Variants in WDPCP observed in about 807,000 individuals in gnomAD.
The protein encoded by WDPCP is WD repeat containing planar cell polarity effector, also known as WD repeat-containing and planar cell polarity effector protein fritz homolog.
WDPCP carries 71 observed loss-of-function variants against 93.1 expected under a neutral mutation model. The observed-to-expected ratio is 0.76, with a 90% CI of 0.63 to 0.93. The LOEUF (loss-of-function observed/expected upper bound fraction) is 0.93, where lower values mean the gene tolerates loss of function less well. Among genes scored for constraint, WDPCP ranks in the 40% least tolerant of loss-of-function variants. WDPCP has a pLI of 0.00. For missense variants in WDPCP, 844 were observed against 887.4 expected, an observed-to-expected ratio of 0.95 and a Z score of 0.62; for synonymous variants, 315 against 315.0, an observed-to-expected ratio of 1.00 and a Z score of 0.00.
chr2:63,532,888 T>A (rs1192537883), intron 1 of WDPCP, among the ~76,000 whole-genome samples: 1 of 152,164 alleles, frequency 6.6e-6, no homozygotes, highest in Non-Finnish European at 1.5e-5. Flanking sequence ...ATGGGCTAAA[T>A]GCTCTAATTA....
At chr2:63,467,274 G>GT (rs1699399324) in intron 6 of WDPCP, among the ~76,000 whole-genome samples, 1 of 151,678 alleles carries the variant, frequency 6.6e-6, no homozygotes, top group Admixed American at 6.6e-5. Flanking sequence ...GAGGTCAGGA[G>GT]TTTGAGAGCA....
At chr2:63,172,578 G>A (rs1252248096) in intron 15 of WDPCP, among the ~76,000 whole-genome samples, 1 of 151,804 alleles carries the variant, frequency 6.6e-6, no homozygotes. Flanking sequence ...AGTAGCCTAT[G>A]TTCTAGCTCC....
intron 13 of WDPCP, among the ~76,000 whole-genome samples, chr2:63,312,741 G>C (rs1686273225): frequency 6.6e-6 from 1 of 152,126 alleles, no homozygotes. Context: ...GGGAGGGCCA[G>C]AGTGTACATG....
intron 15 of WDPCP, among the ~76,000 whole-genome samples, chr2:63,160,875 T>C (rs913509805): frequency 1.3e-5 from 2 of 152,182 alleles, no homozygotes; most frequent in African/African-American, 4.8e-5. Flanking sequence ...TATCTCATGT[T>C]GTGATGTAAT....
rs1442898909 is a variant in WDPCP, at chr2:63,187,775, A to G, written c.1916-12943T>C. On this transcript the variant is annotated intron_variant, in intron 14 of 17. Coordinates refer to ENST00000272321, the MANE Select transcript of WDPCP (RefSeq NM_015910.7). ...CACTAGAATTACAATATAGGATTCT[A>G]TATTTATTTAAATGTTTATCATTAG... 2.6e-5 allele frequency among the ~76,000 whole-genome samples: 4 copies of G among 152,192 alleles called. No homozygotes were observed. In the East Asian group the frequency reaches 7.7e-4, roughly 29 times the overall value.
intron 1 of WDPCP, chr2:63,571,350 T>G (rs982065500): frequency 1.3e-5 from 6 of 451,452 alleles, no homozygotes; most frequent in Non-Finnish European, 2.2e-5. Flanking sequence ...TTGAGAGAAA[T>G]AAATATATTT....
chr2:63,477,086 T>C (rs1700014696), intron 6 of WDPCP, among the ~76,000 whole-genome samples: 1 of 152,296 alleles, frequency 6.6e-6, no homozygotes, highest in African/African-American at 2.4e-5. Context: ...AAAATGAACA[T>C]ATATGAAGTT....
chr2:63,293,166 C>T (rs1684573419), intron 13 of WDPCP, among the ~76,000 whole-genome samples: 1 of 152,130 alleles, frequency 6.6e-6, no homozygotes, highest in Non-Finnish European at 1.5e-5. Flanking sequence ...GCTCTCATTA[C>T]CCCCTTCATT....
At chr2:63,475,581 T>C (rs1699928172) in intron 6 of WDPCP, among the ~76,000 whole-genome samples, 1 of 152,142 alleles carries the variant, frequency 6.6e-6, no homozygotes, top group Non-Finnish European at 1.5e-5. Context: ...AAAGATGGGT[T>C]TCTTGTTGAG....
intron 3 of WDPCP, among the ~76,000 whole-genome samples, chr2:63,602,934 CTTTTTTTTTTTTTTTTTT>C (rs370479356): frequency 2.5e-4 from 33 of 131,602 alleles, no homozygotes; most frequent in Middle Eastern, 4.0e-3. Context: ...TTTAACCGTT[CTTTTTTTTTTTTTTTTTT>C]TTTTTTTTTT....
At chr2:63,488,958 G>A (rs192019536) in intron 2 of WDPCP, among the ~76,000 whole-genome samples, 2 of 152,142 alleles carry the variant, frequency 1.3e-5, no homozygotes, top group Admixed American at 1.3e-4. Flanking sequence ...ACCAGAGCTG[G>A]ATGGGGAAGG....
At chr2:63,136,189 C>A (rs767737566) in intron 17 of WDPCP, among the ~76,000 whole-genome samples, 8 of 152,068 alleles carry the variant, frequency 5.3e-5, no homozygotes, top group African/African-American at 9.7e-5. Context: ...TATATATATT[C>A]CCCAGAGGAC....
chr2:63,639,782 A>G (rs1709961040), intron 3 of WDPCP, among the ~76,000 whole-genome samples: 1 of 152,244 alleles, frequency 6.6e-6, no homozygotes, highest in Non-Finnish European at 1.5e-5. Context: ...AAAATGGCTT[A>G]AATAAAAAAT....
chr2:63,419,323 G>T (rs1193018567), intron 9 of WDPCP, among the ~76,000 whole-genome samples: 2 of 57,264 alleles, frequency 3.5e-5, no homozygotes, highest in East Asian at 3.7e-4. Context: ...TGTATTTTTA[G>T]TAAAGACGGG....
At chr2:63,309,263 T>G (rs1470676611) in intron 13 of WDPCP, among the ~76,000 whole-genome samples, 1 of 152,130 alleles carries the variant, frequency 6.6e-6, no homozygotes, top group Non-Finnish European at 1.5e-5. Flanking sequence ...CTAAAAAAAG[T>G]TAAAAGATGG....
At chr2:63,815,939 G>A (rs1670927485) in intron 1 of WDPCP, among the ~76,000 whole-genome samples, 1 of 150,940 alleles carries the variant, frequency 6.6e-6, no homozygotes, top group Admixed American at 6.6e-5. Flanking sequence ...ATATTTTAAT[G>A]AGTTAAAGGC....
At chr2:63,588,107 A>T in intron 1 of WDPCP, 90 bp downstream of exon 1, 1 of 1,434,348 alleles carries the variant, frequency 7.0e-7, no homozygotes. Context: ...GCATCCGCAC[A>T]GCGGATAAAA....
At chr2:63,201,752 G>A (rs1046808751) in intron 14 of WDPCP, among the ~76,000 whole-genome samples, 6 of 151,988 alleles carry the variant, frequency 3.9e-5, no homozygotes, top group East Asian at 1.9e-4. Flanking sequence ...CTGGTAAACC[G>A]TAATTTTCTT....
At chr2:63,152,778 G>C in intron 17 of WDPCP, 136 bp downstream of exon 17, 1 of 743,672 alleles carries the variant, frequency 1.3e-6, no homozygotes, top group South Asian at 1.8e-5. Context: ...AGTTAATATA[G>C]ACCAGTTAAT....
Sources: gnomAD v4.1 joint callset for allele counts (sites outside exome capture counted in the v4.1 genomes callset) on GRCh38, gnomAD v4.1.1 for gene constraint, MANE v1.5 for transcripts, NCBI Gene and HGNC (gene_info 2026-07-23, HGNC 2026-07-21) for gene names.